The following LACTBL1 variants were observed in gnomAD, a reference collection of about 807,000 sequenced individuals.
The protein encoded by LACTBL1 is lactamase beta like 1.
LACTBL1 carries 29 observed loss-of-function variants against 39.6 expected under a neutral mutation model. The ratio of observed to expected loss-of-function variants is 0.73; its 90% CI spans 0.55 to 1.00. The LOEUF is 1.00. Ranked by LOEUF, LACTBL1 falls within the 50% of genes least tolerant of loss-of-function variation. The probability of loss-of-function intolerance (pLI) is 0.00; values close to 1 mark genes in which losing one functional copy is unlikely to be tolerated. For synonymous variants in LACTBL1, 361 were observed against 360.7 expected, an observed-to-expected ratio of 1.00 and a Z score of -0.01; for missense variants, 711 against 748.5, an observed-to-expected ratio of 0.95 and a Z score of 0.59.
chr1:22,972,377 C>T, the LACTBL1 span: 1 of 984,996 alleles, frequency 1.0e-6, no homozygotes, highest in Admixed American at 6.2e-5. Flanking sequence ...CACAGGAGAT[C>T]CCGTAAGCAG....
At chr1:22,962,012 C>T (rs1387714130) in intron 2 of LACTBL1, among the ~76,000 whole-genome samples, 1 of 152,144 alleles carries the variant, frequency 6.6e-6, no homozygotes, top group Non-Finnish European at 1.5e-5. Context: ...TCCCAAAGTG[C>T]TGGGGTTACA....
the LACTBL1 span, chr1:22,972,784 G>A: frequency 1.3e-6 from 1 of 794,896 alleles, no homozygotes; most frequent in African/African-American, 1.9e-5. Flanking sequence ...TCTCCAGAAG[G>A]TACCAGCAAG....
At chr1:22,958,894 G>A in exon 4 of LACTBL1, 1 of 1,549,984 alleles carries the variant, frequency 6.5e-7, no homozygotes, top group Non-Finnish European at 8.7e-7. Context: ...CATGAGGACA[G>A]GAAAGATCTT....
chr1:22,953,908 G>C, exon 6 of LACTBL1: 1 of 1,550,276 alleles, frequency 6.5e-7, no homozygotes, highest in Non-Finnish European at 8.7e-7. Context: ...GCCCGTGTCT[G>C]CCATCCCCAG....
chr1:22,955,454 C>G, intron 4 of LACTBL1, 28 bp from the exon 7 acceptor site: 1 of 1,494,184 alleles, frequency 6.7e-7, no homozygotes, highest in Non-Finnish European at 9.1e-7. Context: ...TCAGACTTAC[C>G]GGGCCCGGCT....
At chr1:22,965,345 TGA>T, upstream of LACTBL1, 5 of 1,288,958 alleles carry the variant, frequency 3.9e-6, no homozygotes, top group Non-Finnish European at 4.0e-6. Flanking sequence ...TCATGACCAC[TGA>T]GAGCAGGCAG....
chr1:22,955,234 A>G, intron 5 of LACTBL1, 87 bp downstream of exon 7: 2 of 1,056,220 alleles, frequency 1.9e-6, no homozygotes, highest in Non-Finnish European at 2.8e-6. Flanking sequence ...CCAACCTAGG[A>G]TGAGGTGATG....
chr1:22,956,063 CAAAA>C (rs10582369), intron 4 of LACTBL1, among the ~76,000 whole-genome samples: 6 of 76,592 alleles, frequency 7.8e-5, no homozygotes, highest in Non-Finnish European at 7.1e-5. Context: ...AACTCCATCT[CAAAA>C]AAAAAAAAAA....
intron 4 of LACTBL1, among the ~76,000 whole-genome samples, chr1:22,955,654 A>T (rs1438789555): frequency 6.6e-6 from 1 of 152,162 alleles, no homozygotes. Context: ...TTCATCTGTA[A>T]TATAAGGGAA....
chr1:22,966,524 G>A (rs1030521066), upstream of LACTBL1, among the ~76,000 whole-genome samples: 1 of 152,190 alleles, frequency 6.6e-6, no homozygotes, highest in African/African-American at 2.4e-5. Flanking sequence ...ATCTTACAGA[G>A]AAATATTATG....
Position 22,954,070 on chromosome 1 carries a change from G to T in LACTBL1, c.660-46C>A, listed in dbSNP as rs1036939717. ...AGTGGGACGGGGCCCTTCCTCACCC[G>T]CCCGCGCTGTCTGAAATGCCACCAG... On this transcript the variant is annotated intron_variant, in intron 5 of 5. Coordinates refer to ENST00000426928, the Ensembl canonical transcript of LACTBL1. The T allele has an allele frequency of 1.2e-5, 17 of 1,468,204 alleles. No homozygotes were observed. The African/African-American group carries it at 1.6e-4, about 13-fold the overall frequency. The allele number at this position is 1,468,204 out of a possible 1,614,324, so 90.9% of individuals were successfully genotyped here. A position where few individuals can be genotyped will look rare whatever the true frequency, so the allele number is the denominator to read the frequency against.
intron 5 of LACTBL1, among the ~76,000 whole-genome samples, chr1:22,954,931 C>CA (rs1640745841): frequency 6.6e-6 from 1 of 152,346 alleles, no homozygotes; most frequent in African/African-American, 2.4e-5. Context: ...CCCAGCTATC[C>CA]ACTCCCCATC....
chr1:22,968,874 T>G (rs1409375096), upstream of LACTBL1, among the ~76,000 whole-genome samples: 1 of 152,210 alleles, frequency 6.6e-6, no homozygotes, highest in South Asian at 2.1e-4. Context: ...TGTTAGCTAT[T>G]ACGGTATTTG....
At chr1:22,958,886 T>A in exon 4 of LACTBL1, 1 of 1,550,358 alleles carries the variant, frequency 6.5e-7, no homozygotes, top group Non-Finnish European at 8.7e-7. Flanking sequence ...CGGTACAGCA[T>A]GAGGACAGGA....
intron 2 of LACTBL1, 95 bp from the exon 5 acceptor site, chr1:22,960,194 A>C (rs989966648): frequency 1.5e-5 from 21 of 1,426,870 alleles, no homozygotes; most frequent in Non-Finnish European, 1.8e-5. Context: ...CACACCCTGC[A>C]TGCAGCACCC....
intron 4 of LACTBL1, 151 bp downstream of exon 6, chr1:22,958,534 C>G (rs765947516): frequency 5.2e-5 from 33 of 638,796 alleles, no homozygotes; most frequent in Non-Finnish European, 8.2e-5. Context: ...GTTTCTTTCC[C>G]TGGCCCACCA....
In LACTBL1 at chr1:22,960,204, C is replaced by T. The variant is rs552332630; in HGVS notation, c.160-105G>A. ...ATAGTCACACCCTGCATGCAGCACCCCAGTGAGCCTCCCAGCTATGCCCCA... is the reference window on the plus strand; with the variant it reads ...ATAGTCACACCCTGCATGCAGCACCTCAGTGAGCCTCCCAGCTATGCCCCA... On this transcript the variant is annotated intron_variant, in intron 2 of 5. Transcript: ENST00000426928. 158 of 1,348,610 alleles carry T rather than the reference C, an allele frequency of 1.2e-4. 2 individuals are homozygous for T. In the South Asian group the frequency reaches 1.9e-3, roughly 16 times the overall value. The allele number at this position is 1,348,610 out of a possible 1,614,324, so 83.5% of individuals were successfully genotyped here.
upstream of LACTBL1, among the ~76,000 whole-genome samples, chr1:22,966,717 C>T (rs1354158376): frequency 1.3e-5 from 2 of 152,188 alleles, no homozygotes; most frequent in East Asian, 3.8e-4. Flanking sequence ...AGCATTTCCA[C>T]CTGGAAGTCC....
At chr1:22,954,987 C>G (rs972812752) in intron 5 of LACTBL1, among the ~76,000 whole-genome samples, 1 of 152,252 alleles carries the variant, frequency 6.6e-6, no homozygotes, top group Admixed American at 6.5e-5. Flanking sequence ...TCTGTATTCA[C>G]CTTGCTTATT....
Sources: gnomAD v4.1 joint callset for allele counts (sites outside exome capture counted in the v4.1 genomes callset) on GRCh38, gnomAD v4.1.1 for gene constraint, MANE v1.5 for transcripts, NCBI Gene and HGNC (gene_info 2026-07-23, HGNC 2026-07-21) for gene names.